Variants in ZNF250 observed in about 807,000 individuals in gnomAD.
ZNF250 encodes zinc finger protein 250, also known as zinc finger protein (clone 647).
In ZNF250, 13 loss-of-function variants were observed where a neutral mutation model predicts 37.1. That is an observed-to-expected ratio of 0.35 (90% CI 0.23 to 0.56). The LOEUF is 0.56. Among genes scored for constraint, ZNF250 ranks in the 20% least tolerant of loss-of-function variants. ZNF250 has a pLI of 0.87. For synonymous variants in ZNF250, 251 were observed against 265.6 expected (o/e 0.94, Z 0.54); for missense variants, 474 against 697.9 (o/e 0.68, Z 3.61).
rs548666966 is a variant in ZNF250 at position 144,891,708 on chromosome 8, C to T, written c.-54-1305G>A. Among the ~76,000 whole-genome samples the T allele has an allele frequency of 3.3e-4, 50 of 152,178 alleles. No homozygotes were observed. Among genetic ancestry groups the T allele is most frequent in the South Asian group, 3.1e-3 (15 of 4,816 alleles). ...TCTCTACTAAAAACACAAAATTAGC[C>T]GGGTGTGGTGGTGCACGCCTGTAGT... On this transcript the variant is annotated intron_variant, in intron 1 of 5. Transcript: ENST00000417550. This position sits in a 1 kb window ranked among gnomAD's most constrained non-coding sequence, Gnocchi z 4.0.
intron 4 of ZNF250, among the ~76,000 whole-genome samples, chr8:144,887,970 C>G (rs1050774950): frequency 1.3e-5 from 2 of 152,214 alleles, no homozygotes; most frequent in Non-Finnish European, 2.9e-5. Flanking sequence ...ACCACCACAT[C>G]TGAAATGCTG....
rs769935467 is a variant in ZNF250, at chr8:144,882,747, A to G, written c.436T>C (p.Leu146=). 1.2e-6 allele frequency: 2 copies of G among 1,614,004 alleles called. No homozygotes were observed. Among genetic ancestry groups the G allele is most frequent in the Non-Finnish European group, 1.7e-6 (2 of 1,179,878 alleles). ...TTATTTTCTTGATCAATCCTCCCCAAGGGTGTTTTCCCCAGAATCACTGTT... is the reference window on the plus strand; with the variant it reads ...TTATTTTCTTGATCAATCCTCCCCAGGGGTGTTTTCCCCAGAATCACTGTT... ...EQTVILGKTP[L]GRIDQENNET... Residue 146 remains leucine, a synonymous_variant, in exon 6 of 6, where the codon TTG becomes CTG. Transcript: ENST00000417550. The surrounding 1 kb of genome is among the most constrained non-coding windows in gnomAD (Gnocchi z 5.5).
At chr8:144,895,173 G>C (rs1239044784) in intron 1 of ZNF250, 1 of 152,224 alleles carries the variant, frequency 6.6e-6, no homozygotes. Flanking sequence ...TGAGGGTGCA[G>C]ATTCAAGGAT....
In ZNF250 at chr8:144,880,705, A is replaced by C. The variant is rs1462090701; in HGVS notation, c.*810T>G. 3.1e-6 allele frequency: 1 copy of C among 326,266 alleles called. No individual in the cohort carries two copies. Among genetic ancestry groups the C allele is most frequent in the Non-Finnish European group, 6.2e-6 (1 of 161,694 alleles). 20.2% of individuals were successfully genotyped at this position (326,266 alleles called of 1,614,324 possible). A position where few individuals can be genotyped will look rare whatever the true frequency, so the allele number is the denominator to read the frequency against. ...ACGGTGAAACTCCGTCTCTACTAAA[A>C]ATACAAAAATTAGCCAGGTGTGGTG... On this transcript the variant is annotated 3_prime_UTR_variant, in exon 6 of 6. Coordinates refer to ENST00000417550, the MANE Select transcript of ZNF250 (RefSeq NM_001109689.4).
intron 1 of ZNF250, among the ~76,000 whole-genome samples, chr8:144,899,733 A>C (rs1832977640): frequency 6.6e-6 from 1 of 152,226 alleles, no homozygotes; most frequent in South Asian, 2.1e-4. Context: ...GGTTTTTCAA[A>C]TCAATGGGAA....
intron 5 of ZNF250, among the ~76,000 whole-genome samples, chr8:144,884,135 C>T (rs1219052077): frequency 1.3e-5 from 2 of 152,152 alleles, no homozygotes; most frequent in East Asian, 1.9e-4. Context: ...CTCGTTTTCC[C>T]GTCAGCATTA....
intron 4 of ZNF250, 29 bp downstream of exon 4, chr8:144,889,552 T>C (rs751161130): frequency 3.8e-6 from 6 of 1,584,916 alleles, no homozygotes; most frequent in Non-Finnish European, 5.2e-6. Context: ...TAGCCCTCAG[T>C]GAGGGAGGGG....
At chr8:144,892,518 G>A (rs1401980737) in intron 1 of ZNF250, among the ~76,000 whole-genome samples, 1 of 151,944 alleles carries the variant, frequency 6.6e-6, no homozygotes, top group Non-Finnish European at 1.5e-5. Context: ...AGTAACTTGT[G>A]TGTACCCAGA....
At chr8:144,887,165 G>A (rs1172562958) in intron 4 of ZNF250, among the ~76,000 whole-genome samples, 2 of 145,688 alleles carry the variant, frequency 1.4e-5, no homozygotes, top group Admixed American at 1.4e-4. Context: ...CAGGAGAATC[G>A]CTTGAACCCC....
chr8:144,893,943 T>C (rs1027564798), intron 1 of ZNF250, among the ~76,000 whole-genome samples: 1 of 152,182 alleles, frequency 6.6e-6, no homozygotes, highest in Non-Finnish European at 1.5e-5. Context: ...TCCGAGAAGC[T>C]GCTGCTAGGC....
intron 5 of ZNF250, among the ~76,000 whole-genome samples, chr8:144,883,934 G>A (rs147468544): frequency 5.3e-5 from 8 of 152,082 alleles, no homozygotes; most frequent in African/African-American, 1.9e-4. Flanking sequence ...GAGTACAGTG[G>A]CTACTATCAT....
Position 144,881,415 on chromosome 8 carries a change from A to T in ZNF250, c.*100T>A. ...TTTGTGACACTGAATCGCCAAAGAAAAGCTTCCTATAGAGTTAACAGAGAC... is the reference window on the plus strand; with the variant it reads ...TTTGTGACACTGAATCGCCAAAGAATAGCTTCCTATAGAGTTAACAGAGAC... On this transcript the variant is annotated 3_prime_UTR_variant, in exon 6 of 6. Coordinates refer to ENST00000417550, the MANE Select transcript of ZNF250 (RefSeq NM_001109689.4). 1.5e-5 allele frequency: 22 copies of T among 1,444,234 alleles called. No individual in the cohort carries two copies. Among genetic ancestry groups the T allele is most frequent in the Non-Finnish European group, 2.0e-5 (22 of 1,095,228 alleles). The allele number at this position is 1,444,234 out of a possible 1,614,324, so 89.5% of individuals were successfully genotyped here. A position where few individuals can be genotyped will look rare whatever the true frequency, so the allele number is the denominator to read the frequency against.
intron 5 of ZNF250, among the ~76,000 whole-genome samples, chr8:144,885,163 A>C (rs1339015450): frequency 2.6e-5 from 4 of 152,226 alleles, no homozygotes; most frequent in Non-Finnish European, 1.5e-5. Flanking sequence ...CTTGTTGCCC[A>C]GGCTGGAGTG....
At chr8:144,900,751 T>C (rs1039417120) in intron 1 of ZNF250, among the ~76,000 whole-genome samples, 2 of 152,190 alleles carry the variant, frequency 1.3e-5, no homozygotes, top group African/African-American at 4.8e-5. Flanking sequence ...GCAGCTCGTT[T>C]TCGTCTTGAC....
chr8:144,888,769 CAG>C (rs1832094398), intron 4 of ZNF250, among the ~76,000 whole-genome samples: 1 of 151,418 alleles, frequency 6.6e-6, no homozygotes, highest in Non-Finnish European at 1.5e-5. Context: ...TTTTTTGAGA[CAG>C]AGTCTCATGC....
In ZNF250 at chr8:144,891,264, A is replaced by G. The variant is rs922875584; in HGVS notation, c.-54-861T>C. Among the ~76,000 whole-genome samples the G allele has an allele frequency of 2.6e-5, 4 of 152,168 alleles. No homozygotes were observed. The highest frequency in any genetic ancestry group is 9.7e-5 in the African/African-American group (4 of 41,432). ...AACCAACCAGGTGACCAAAGGTGGT[A>G]GATCACTCCAGAAAAACGTGGTATA... On this transcript the variant is annotated intron_variant, in intron 1 of 5. Transcript: ENST00000417550. This position sits in a 1 kb window ranked among gnomAD's most constrained non-coding sequence, Gnocchi z 4.0.
chr8:144,899,054 T>C (rs752202401), intron 1 of ZNF250, among the ~76,000 whole-genome samples: 13 of 152,134 alleles, frequency 8.5e-5, no homozygotes, highest in African/African-American at 1.2e-4. Context: ...ACTATAAAAA[T>C]AAGGAAATTA....
At chr8:144,896,196 T>TA (rs1010436422) in intron 1 of ZNF250, among the ~76,000 whole-genome samples, 13 of 151,472 alleles carry the variant, frequency 8.6e-5, no homozygotes, top group Admixed American at 7.2e-4. Flanking sequence ...CCCGTCTCTA[T>TA]AAAAAAATTT....
At position 144,881,368 on chromosome 8, in the gene ZNF250, A is replaced by T; in HGVS notation, c.*147T>A. ...AGTTTTTCCACAGGAACAGCACGCT[A>T]AGTGCTTCTTTCTGGAGTTATTTTG... On this transcript the variant is annotated 3_prime_UTR_variant, in exon 6 of 6. Coordinates refer to ENST00000417550, the MANE Select transcript of ZNF250 (RefSeq NM_001109689.4). 1 of 1,237,336 alleles carries T rather than the reference A, an allele frequency of 8.1e-7. No individual in the cohort carries two copies. The highest frequency in any genetic ancestry group is 1.1e-6 in the Non-Finnish European group (1 of 923,236). 76.6% of individuals were successfully genotyped at this position (1,237,336 alleles called of 1,614,324 possible).
Sources: gnomAD v4.1 joint callset for allele counts (sites outside exome capture counted in the v4.1 genomes callset) on GRCh38, gnomAD v4.1.1 for gene constraint, Gnocchi (gnomAD v3.1) non-coding constraint, MANE v1.5 for transcripts, NCBI Gene and HGNC (gene_info 2026-07-23, HGNC 2026-07-21) for gene names.